Variants in XRRA1 observed in about 807,000 individuals in gnomAD.
XRRA1 encodes X-ray radiation resistance-associated protein 1.
XRRA1 carries 69 observed loss-of-function variants against 80.2 expected under a neutral mutation model. The observed-to-expected ratio is 0.86, with a 90% CI of 0.71 to 1.05. XRRA1 has a LOEUF of 1.05. XRRA1 is among the 50% of genes least tolerant of loss of function. The pLI is 0.00. For missense variants in XRRA1, 967 were observed against 976.4 expected (o/e 0.99, Z 0.13); for synonymous variants, 348 against 389.9 (o/e 0.89, Z 1.27).
chr11:74,885,186 T>C (rs867475184), intron 10 of XRRA1, among the ~76,000 whole-genome samples: 5 of 151,922 alleles, frequency 3.3e-5, no homozygotes, highest in Admixed American at 2.6e-4. Flanking sequence ...ATTGCTTGAG[T>C]ATGGGAGGTT....
intron 10 of XRRA1, chr11:74,863,275 T>G: frequency 2.0e-5 from 10 of 494,928 alleles, no homozygotes; most frequent in East Asian, 3.6e-5. Context: ...ATTGGGCCCC[T>G]GCCTACTTCT....
At chr11:74,899,033 TAAA>T (rs560207216) in intron 10 of XRRA1, among the ~76,000 whole-genome samples, 2 of 152,136 alleles carry the variant, frequency 1.3e-5, no homozygotes, top group African/African-American at 2.4e-5. Context: ...AAAACATTTT[TAAA>T]AAATCTTGAA....
At position 74,910,980 on chromosome 11, in the gene XRRA1, G is replaced by A. The variant is rs151030519; in HGVS notation, c.657-3707C>T. Among the ~76,000 whole-genome samples the A allele has an allele frequency of 2.6e-3, 389 of 152,276 alleles. 3 individuals are homozygous for A. Among genetic ancestry groups the A allele is most frequent in the Admixed American group, 4.1e-3 (62 of 15,292 alleles). ...GAAAGGAAAGAAAGGAGGAGAGAGC[G>A]AGAAGGAGGGCTTAATGGCATGGGG... On this transcript the variant is annotated intron_variant, in intron 8 of 18. Coordinates refer to ENST00000684022, the MANE Select transcript of XRRA1 (RefSeq NM_001378157.1).
chr11:74,898,313 A>G (rs2052845405), intron 10 of XRRA1, among the ~76,000 whole-genome samples: 1 of 152,160 alleles, frequency 6.6e-6, no homozygotes, highest in African/African-American at 2.4e-5. Context: ...ATTACCAGAG[A>G]AAATCACCTT....
intron 12 of XRRA1, among the ~76,000 whole-genome samples, chr11:74,853,727 T>C (rs1323182808): frequency 6.6e-6 from 1 of 152,236 alleles, no homozygotes; most frequent in African/African-American, 2.4e-5. Flanking sequence ...GTAGCTAGTC[T>C]TACTTTAATG....
At chr11:74,891,353 G>A (rs1322193467) in intron 10 of XRRA1, among the ~76,000 whole-genome samples, 1 of 152,074 alleles carries the variant, frequency 6.6e-6, no homozygotes, top group Non-Finnish European at 1.5e-5. Flanking sequence ...AAATTCAACA[G>A]CCCTTCATGC....
intron 10 of XRRA1, among the ~76,000 whole-genome samples, chr11:74,900,827 T>G (rs1258810736): frequency 7.9e-5 from 12 of 152,194 alleles, no homozygotes. Context: ...AAGCTATATA[T>G]GACAGACACA....
At chr11:74,939,849 G>GAGAGAGAGAGAGCGAGAGCA (rs1565454564) in intron 3 of XRRA1, among the ~76,000 whole-genome samples, 1 of 151,712 alleles carries the variant, frequency 6.6e-6, no homozygotes, top group Non-Finnish European at 1.5e-5. Flanking sequence ...GACATAGAGA[G>GAGAGAGAGAGAGCGAGAGCA]AGAGAGAGAG....
rs567026523 is a variant in XRRA1, at chr11:74,888,056, A to C, written c.1003+18183T>G. On this transcript the variant is annotated intron_variant, in intron 10 of 18. Transcript: ENST00000684022. ...CCGCAGACTTAAATGTCCGTGTCTG[A>C]CAGCTTTGAAGAGAGTGGTGGTTCT... 7.0e-4 allele frequency among the ~76,000 whole-genome samples: 107 copies of C among 152,316 alleles called. 1 individual carries two copies. Among genetic ancestry groups the C allele is most frequent in the African/African-American group, 2.3e-3 (95 of 41,564 alleles).
At chr11:74,881,027 C>A in intron 10 of XRRA1, among the ~76,000 whole-genome samples, 1 of 146,002 alleles carries the variant, frequency 6.8e-6, no homozygotes, top group Non-Finnish European at 1.5e-5. Context: ...TGTTGACTTT[C>A]TGTCTCATTG....
At chr11:74,915,386 G>C (rs370925791) in intron 8 of XRRA1, among the ~76,000 whole-genome samples, 1 of 152,264 alleles carries the variant, frequency 6.6e-6, no homozygotes, top group East Asian at 1.9e-4. Context: ...GACTCTCAAT[G>C]GTCAGGAAGA....
At chr11:74,915,913 G>C (rs1319855699) in intron 8 of XRRA1, among the ~76,000 whole-genome samples, 1 of 152,010 alleles carries the variant, frequency 6.6e-6, no homozygotes, top group African/African-American at 2.4e-5. Context: ...CCATACTTTG[G>C]AAGAACACTT....
chr11:74,934,740 A>G (rs545727870), intron 4 of XRRA1, among the ~76,000 whole-genome samples: 8 of 152,294 alleles, frequency 5.3e-5, no homozygotes, highest in South Asian at 2.1e-4. Flanking sequence ...ATTAGATCAT[A>G]TAAGTCCACG....
chr11:74,902,674 C>CA (rs1330760608), intron 10 of XRRA1, among the ~76,000 whole-genome samples: 10 of 151,978 alleles, frequency 6.6e-5, no homozygotes, highest in Non-Finnish European at 1.3e-4. Context: ...CACAGAAGGA[C>CA]AAAAATTGCA....
chr11:74,870,180 C>T (rs867100105), intron 10 of XRRA1, among the ~76,000 whole-genome samples: 3 of 152,194 alleles, frequency 2.0e-5, no homozygotes, highest in African/African-American at 4.8e-5. Context: ...CAGGCTTGCT[C>T]GGGAGAACTT....
intron 10 of XRRA1, among the ~76,000 whole-genome samples, chr11:74,887,804 C>A (rs1044154207): frequency 1.3e-5 from 2 of 152,060 alleles, no homozygotes; most frequent in Non-Finnish European, 2.9e-5. Context: ...GGATCCTAGG[C>A]CCAAGGAGCC....
chr11:74,923,557 A>G (rs1438745720), intron 7 of XRRA1, among the ~76,000 whole-genome samples: 2 of 152,076 alleles, frequency 1.3e-5, no homozygotes, highest in Non-Finnish European at 2.9e-5. Flanking sequence ...TCTCTAATCT[A>G]TTTTTTATAC....
intron 1 of XRRA1, among the ~76,000 whole-genome samples, chr11:74,947,677 T>C (rs140216142): frequency 6.6e-6 from 1 of 152,372 alleles, no homozygotes; most frequent in African/African-American, 2.4e-5. Context: ...GTCCACGGAT[T>C]GCTTCACAGA....
In XRRA1 at chr11:74,906,276, A is replaced by C. The variant is rs1565374579; in HGVS notation, c.966T>G (p.Tyr322Ter). 2.5e-6 allele frequency: 4 copies of C among 1,613,960 alleles called. No homozygotes were observed. Among genetic ancestry groups the C allele is most frequent in the Non-Finnish European group, 2.5e-6 (3 of 1,179,888 alleles). ...MLEDSDEQLD[Y>*]TVLPMKKDVD... ...CATCCTTTTTCATGGGCAGTACAGT[A>C]TAATCCAGTTGCTCATCTGAGTCCT... Residue 322 changes from tyrosine (Y) to a stop codon, truncating the protein, a stop_gained, in exon 10 of 19, where the codon TAT becomes TAG. Transcript: ENST00000684022. LOFTEE classifies it high-confidence loss of function.
Sources: allele counts gnomAD v4.1 joint callset (sites outside exome capture counted in the v4.1 genomes callset), GRCh38; gene constraint gnomAD v4.1.1; transcripts MANE v1.5; gene names NCBI Gene and HGNC (gene_info 2026-07-23, HGNC 2026-07-21).